SLC2A13: variants seen among roughly 807,000 people sequenced by gnomAD.
SLC2A13 encodes the protein proton myo-inositol cotransporter.
SLC2A13 carries 32 observed loss-of-function variants against 64.4 expected under a neutral mutation model. That is an observed-to-expected ratio of 0.50 (90% CI 0.37 to 0.67). The LOEUF is 0.67. SLC2A13 is among the 30% of genes least tolerant of loss of function. The pLI, the probability that SLC2A13 is intolerant of heterozygous loss-of-function variation, is 0.00. For missense variants in SLC2A13, 743 were observed against 829.2 expected, an observed-to-expected ratio of 0.90 and a Z score of 1.28; for synonymous variants, 338 against 327.1, an observed-to-expected ratio of 1.03 and a Z score of -0.36.
chr12:39,899,453 T>C (rs1368978696), intron 4 of SLC2A13, among the ~76,000 whole-genome samples: 3 of 152,302 alleles, frequency 2.0e-5, no homozygotes, highest in African/African-American at 4.8e-5. Flanking sequence ...ATTAACTTTT[T>C]AAAGGGTTTT....
chr12:39,830,396 T>C (rs1942820061), intron 6 of SLC2A13, 168 bp from the exon 7 acceptor site: 1 of 1,359,604 alleles, frequency 7.4e-7, no homozygotes, highest in South Asian at 1.9e-5. Context: ...AGGTGAGAGC[T>C]GGCTGGTCTC....
At chr12:40,102,094 T>C (rs1939170207) in intron 1 of SLC2A13, among the ~76,000 whole-genome samples, 1 of 152,234 alleles carries the variant, frequency 6.6e-6, no homozygotes, top group Non-Finnish European at 1.5e-5. Flanking sequence ...GTTCTATTTT[T>C]TTCCCTGAAA....
At position 39,913,948 on chromosome 12, in the gene SLC2A13, A is replaced by G. The variant is rs569218365; in HGVS notation, c.1034+37309T>C. On this transcript the variant is annotated intron_variant, in intron 4 of 9. Coordinates refer to ENST00000280871, the MANE Select transcript of SLC2A13 (RefSeq NM_052885.4). ...AATATATGAATATTTTATGTATTAG[A>G]CCACAAAGGACGTCTCAAAAAAGTC... Among the ~76,000 whole-genome samples the G allele has an allele frequency of 2.0e-5, 3 of 152,176 alleles. No individual in the cohort carries two copies. The East Asian group carries it at 5.8e-4, about 29-fold the overall frequency.
At chr12:39,831,558 A>G (rs1281989077) in intron 6 of SLC2A13, among the ~76,000 whole-genome samples, 1 of 152,214 alleles carries the variant, frequency 6.6e-6, no homozygotes, top group Non-Finnish European at 1.5e-5. Flanking sequence ...TAAATATGAA[A>G]GCACTGGTGA....
At chr12:39,790,660 A>G (rs1227260773) in intron 7 of SLC2A13, among the ~76,000 whole-genome samples, 1 of 115,206 alleles carries the variant, frequency 8.7e-6, no homozygotes, top group African/African-American at 3.3e-5. Flanking sequence ...TGCTATTGTG[A>G]ATAATGCCGC....
At position 40,080,018 on chromosome 12, in the gene SLC2A13, A is replaced by G. The variant is rs150755039; in HGVS notation, c.556+25235T>C. ...AGCTGGTACAGCTGTACACCACCAC[A>G]CCTCGCTAATTTTTTGCATTCTTAG... On this transcript the variant is annotated intron_variant, in intron 1 of 9. Coordinates refer to ENST00000280871, the MANE Select transcript of SLC2A13 (RefSeq NM_052885.4). 1.6e-3 allele frequency among the ~76,000 whole-genome samples: 244 copies of G among 151,880 alleles called. 4 individuals are homozygous for G. In the East Asian group the frequency reaches 0.044, roughly 27 times the overall value.
At position 39,957,105 on chromosome 12, in the gene SLC2A13, T is replaced by C. The variant is rs527791983; in HGVS notation, c.926-5740A>G. On this transcript the variant is annotated intron_variant, in intron 3 of 9. Transcript: ENST00000280871. ...AGCATTTGCTCAAATCTCAATGGAT[T>C]ATCTAATACTTCAATAACCCTTCCT... Among the ~76,000 whole-genome samples, 22 of 152,324 alleles carry C rather than the reference T, an allele frequency of 1.4e-4. 1 individual carries two copies. The highest frequency in any genetic ancestry group is 7.2e-4 in the Admixed American group (11 of 15,306).
rs114155050 is a variant in SLC2A13 at position 39,989,667 on chromosome 12, T to C, written c.926-38302A>G. Among the ~76,000 whole-genome samples the C allele has an allele frequency of 7.9e-3, 1,201 of 152,274 alleles. 13 individuals carry two copies. The highest frequency in any genetic ancestry group is 0.027 in the African/African-American group (1,140 of 41,554). ...AAAGAAGATTCAGGCTTGACTGACA[T>C]GGAAAGGGCTAAAAATATCATCGCC... On this transcript the variant is annotated intron_variant, in intron 3 of 9. Transcript: ENST00000280871.
At chr12:39,992,394 T>C (rs556029647) in intron 3 of SLC2A13, among the ~76,000 whole-genome samples, 8 of 152,246 alleles carry the variant, frequency 5.3e-5, no homozygotes, top group African/African-American at 1.9e-4. Context: ...AAAAACAGAA[T>C]ATTACTACCA....
chr12:40,021,127 G>A (rs576589482), intron 3 of SLC2A13, among the ~76,000 whole-genome samples: 1 of 152,216 alleles, frequency 6.6e-6, no homozygotes, highest in East Asian at 1.9e-4. Flanking sequence ...TACTTACTAA[G>A]ACAATCTGGA....
chr12:40,067,203 T>G (rs1937764626), intron 1 of SLC2A13, among the ~76,000 whole-genome samples: 1 of 152,040 alleles, frequency 6.6e-6, no homozygotes, highest in Non-Finnish European at 1.5e-5. Context: ...ATATAAATTC[T>G]TATTTATTTA....
chr12:39,827,224 C>T (rs1942720279), intron 7 of SLC2A13, among the ~76,000 whole-genome samples: 1 of 152,018 alleles, frequency 6.6e-6, no homozygotes, highest in African/African-American at 2.4e-5. Context: ...ACTCATGGTT[C>T]CCACTTCACA....
At chr12:40,053,961 G>A (rs1948298548) in intron 1 of SLC2A13, among the ~76,000 whole-genome samples, 1 of 152,168 alleles carries the variant, frequency 6.6e-6, no homozygotes, top group Non-Finnish European at 1.5e-5. Flanking sequence ...GAAAACAAAT[G>A]GAATTTTGTC....
chr12:39,957,648 G>A (rs1277151611), intron 3 of SLC2A13, among the ~76,000 whole-genome samples: 2 of 152,070 alleles, frequency 1.3e-5, no homozygotes, highest in Non-Finnish European at 2.9e-5. Context: ...ACTCATTTTG[G>A]GACAAATTCA....
chr12:40,026,817 C>T (rs981681030), intron 3 of SLC2A13, among the ~76,000 whole-genome samples: 1 of 152,276 alleles, frequency 6.6e-6, no homozygotes, highest in African/African-American at 2.4e-5. Context: ...CGGTGGCTCA[C>T]GCCTGTAATC....
chr12:39,854,768 C>T lies in SLC2A13; in HGVS notation c.1319+9994G>A, dbSNP rs561677807. ...TCCTCTCCTTCTGCATCATCCTGTG[C>T]CTGGTGGCCCTTTCTCCAGCAGTAT... is the stretch of plus-strand genomic sequence containing the variant. On this transcript the variant is annotated intron_variant, in intron 6 of 9. Transcript: ENST00000280871. Among the ~76,000 whole-genome samples, 100 of 152,264 alleles carry T rather than the reference C, an allele frequency of 6.6e-4. 1 individual carries two copies. In the Middle Eastern group the frequency reaches 0.01, roughly 16 times the overall value.
intron 3 of SLC2A13, among the ~76,000 whole-genome samples, chr12:39,986,782 C>A (rs1329040165): frequency 6.6e-6 from 1 of 151,442 alleles, no homozygotes; most frequent in Non-Finnish European, 1.5e-5. Flanking sequence ...TCAAAGAGAA[C>A]AAATCTCAGG....
intron 3 of SLC2A13, among the ~76,000 whole-genome samples, chr12:39,989,346 C>A (rs936648282): frequency 1.3e-5 from 2 of 152,182 alleles, no homozygotes; most frequent in Non-Finnish European, 2.9e-5. Context: ...CATCCTTTAT[C>A]AATCTGCTCA....
At chr12:40,085,658 A>C (rs1191016528) in intron 1 of SLC2A13, among the ~76,000 whole-genome samples, 1 of 152,192 alleles carries the variant, frequency 6.6e-6, no homozygotes, top group African/African-American at 2.4e-5. Flanking sequence ...GAAGGGGCCT[A>C]AGTAGGTGGC....
Sources: allele counts gnomAD v4.1 joint callset (sites outside exome capture counted in the v4.1 genomes callset), GRCh38; gene constraint gnomAD v4.1.1; transcripts MANE v1.5; gene names NCBI Gene and HGNC (gene_info 2026-07-23, HGNC 2026-07-21).